The following SLIT3 variants were observed in gnomAD, a reference collection of about 807,000 sequenced individuals.
The protein encoded by SLIT3 is slit guidance ligand 3.
Under a neutral mutation model 184.0 loss-of-function variants are expected in SLIT3, and 68 were observed. The observed-to-expected ratio is 0.37, with a 90% CI of 0.30 to 0.45. The LOEUF (loss-of-function observed/expected upper bound fraction) is 0.45, where lower values mean the gene tolerates loss of function less well. SLIT3 is among the 20% of genes least tolerant of loss of function. The pLI is 1.00. For synonymous variants in SLIT3, 831 were observed against 828.6 expected, an observed-to-expected ratio of 1.00 and a Z score of -0.05; for missense variants, 1,707 against 2,026.0, an observed-to-expected ratio of 0.84 and a Z score of 3.02.
chr5:169,179,407 T>TA (rs1011437866), intron 4 of SLIT3, among the ~76,000 whole-genome samples: 14 of 152,016 alleles, frequency 9.2e-5, no homozygotes, highest in Non-Finnish European at 5.9e-5. Context: ...TATTAGAAGT[T>TA]AAAAAATCAA....
chr5:168,915,326 C>T (rs975799541), intron 4 of SLIT3, among the ~76,000 whole-genome samples: 10 of 152,110 alleles, frequency 6.6e-5, no homozygotes, highest in African/African-American at 2.4e-4. Flanking sequence ...TCTTAGGATG[C>T]CAAATTATCA....
chr5:169,221,577 C>T (rs75566565), intron 3 of SLIT3, among the ~76,000 whole-genome samples: 2,398 of 152,246 alleles, frequency 0.016, 64 homozygotes, highest in African/African-American at 0.055. Context: ...CCCCCAGGGG[C>T]GCAGGGTGGG....
chr5:169,077,820 A>C (rs1758805200), intron 4 of SLIT3, among the ~76,000 whole-genome samples: 1 of 151,814 alleles, frequency 6.6e-6, no homozygotes. Context: ...TTCCAGAATA[A>C]ATGTCCACAA....
intron 4 of SLIT3, among the ~76,000 whole-genome samples, chr5:168,936,315 AC>A (rs1166927417): frequency 6.6e-6 from 1 of 152,160 alleles, no homozygotes; most frequent in Non-Finnish European, 1.5e-5. Context: ...GCTCACTGCA[AC>A]CTTTGCCTCC....
intron 14 of SLIT3, among the ~76,000 whole-genome samples, chr5:168,764,789 C>T (rs953444637): frequency 9.9e-5 from 15 of 152,154 alleles, no homozygotes; most frequent in South Asian, 4.1e-4. Flanking sequence ...ACTCCGTGCA[C>T]GTATCCCCAC....
chr5:168,781,517 C>T (rs1340276387), intron 12 of SLIT3, among the ~76,000 whole-genome samples: 2 of 152,198 alleles, frequency 1.3e-5, no homozygotes, highest in African/African-American at 4.8e-5. Flanking sequence ...CAGTCTGCTT[C>T]TTCTGCTGGA....
chr5:169,036,044 A>G (rs1282770841), intron 4 of SLIT3: 3 of 152,312 alleles, frequency 2.0e-5, no homozygotes, highest in Middle Eastern at 3.4e-3. Context: ...AACCAACTCC[A>G]TGTGTGGTCC....
chr5:168,919,246 C>A (rs1380084362), intron 4 of SLIT3, among the ~76,000 whole-genome samples: 1 of 141,286 alleles, frequency 7.1e-6, no homozygotes, highest in African/African-American at 2.6e-5. Context: ...GGGGACACAG[C>A]GAGACTCCAT....
At chr5:168,764,011 G>A (rs1331001156) in intron 14 of SLIT3, among the ~76,000 whole-genome samples, 1 of 152,220 alleles carries the variant, frequency 6.6e-6, no homozygotes, top group Non-Finnish European at 1.5e-5. Flanking sequence ...GCAGAAGGGA[G>A]CACAGGCTCG....
chr5:168,678,894 A>C (rs1224223077), intron 32 of SLIT3, among the ~76,000 whole-genome samples: 1 of 152,098 alleles, frequency 6.6e-6, no homozygotes, highest in Non-Finnish European at 1.5e-5. Flanking sequence ...CAGGGGAGAG[A>C]AGGGGGCTCT....
At chr5:169,029,059 A>T (rs898694531) in intron 4 of SLIT3, among the ~76,000 whole-genome samples, 3 of 152,178 alleles carry the variant, frequency 2.0e-5, no homozygotes, top group Admixed American at 6.5e-5. Flanking sequence ...ACCAGATAGG[A>T]GGAGGAATGG....
chr5:168,992,253 C>T (rs866231622), intron 4 of SLIT3, among the ~76,000 whole-genome samples: 3 of 152,122 alleles, frequency 2.0e-5, no homozygotes, highest in South Asian at 2.1e-4. Context: ...AGGTTGCTCA[C>T]GCTCCCAGCC....
chr5:169,138,015 AG>A (rs2113334890), intron 4 of SLIT3, among the ~76,000 whole-genome samples: 1 of 152,320 alleles, frequency 6.6e-6, no homozygotes, highest in South Asian at 2.1e-4. Flanking sequence ...CTATCAAGAT[AG>A]ATGCCTGGGT....
chr5:169,016,162 GCTT>G (rs1756368560), intron 4 of SLIT3, among the ~76,000 whole-genome samples: 1 of 152,168 alleles, frequency 6.6e-6, no homozygotes, highest in Non-Finnish European at 1.5e-5. Flanking sequence ...TTTCCCACGT[GCTT>G]CTCAGGCTGT....
chr5:169,099,143 C>G, intron 4 of SLIT3, among the ~76,000 whole-genome samples: 1 of 152,118 alleles, frequency 6.6e-6, no homozygotes, highest in East Asian at 1.9e-4. Context: ...TTCTTCTGAC[C>G]TAGCCCCTTC....
chr5:169,129,523 G>T (rs1170658735), intron 4 of SLIT3, among the ~76,000 whole-genome samples: 1 of 152,112 alleles, frequency 6.6e-6, no homozygotes, highest in Non-Finnish European at 1.5e-5. Flanking sequence ...TTGCACTCCA[G>T]CCTGGGCAAT....
intron 1 of SLIT3, among the ~76,000 whole-genome samples, chr5:169,297,471 T>A (rs574635974): frequency 3.9e-5 from 6 of 152,270 alleles, no homozygotes; most frequent in Non-Finnish European, 8.8e-5. Flanking sequence ...AGAAGCAATA[T>A]ACACAGACAC....
intron 19 of SLIT3, among the ~76,000 whole-genome samples, 162 bp from the exon 20 acceptor site, chr5:168,748,596 C>T (rs925440457): frequency 3.3e-5 from 5 of 152,272 alleles, no homozygotes; most frequent in African/African-American, 1.2e-4. Flanking sequence ...CCGTGGTTGG[C>T]GGGTGTCGCC....
intron 4 of SLIT3, among the ~76,000 whole-genome samples, chr5:169,099,124 C>T (rs1453066580): frequency 1.3e-5 from 2 of 152,076 alleles, no homozygotes; most frequent in African/African-American, 4.8e-5. Flanking sequence ...AGTGTTCTGT[C>T]ATCTCATCTT....
Sources: gnomAD v4.1 joint callset for allele counts (sites outside exome capture counted in the v4.1 genomes callset) on GRCh38, gnomAD v4.1.1 for gene constraint, MANE v1.5 for transcripts, NCBI Gene and HGNC (gene_info 2026-07-23, HGNC 2026-07-21) for gene names.